GABRR2: variants seen among roughly 807,000 people sequenced by gnomAD.
GABRR2 encodes gamma-aminobutyric acid type A receptor subunit rho2, also known as gamma-aminobutyric acid receptor subunit rho-2.
A neutral mutation model predicts 47.0 loss-of-function variants in GABRR2; 36 were observed. The ratio of observed to expected loss-of-function variants is 0.77; its 90% CI spans 0.59 to 1.01. The LOEUF (loss-of-function observed/expected upper bound fraction) is 1.01. Ranked by LOEUF, GABRR2 falls within the 50% of genes least tolerant of loss-of-function variation. GABRR2 has a pLI of 0.00. For synonymous variants in GABRR2, 204 were observed against 227.5 expected, an observed-to-expected ratio of 0.90 and a Z score of 0.93; for missense variants, 587 against 594.6, an observed-to-expected ratio of 0.99 and a Z score of 0.13.
intron 3 of GABRR2, among the ~76,000 whole-genome samples, chr6:89,270,859 G>A (rs1774035315): frequency 6.6e-6 from 1 of 152,124 alleles, no homozygotes; most frequent in South Asian, 2.1e-4. Flanking sequence ...CATTCATGGA[G>A]CTTATAGTCA....
rs1358536435 is a variant in GABRR2, at chr6:89,255,335, G to C, written c.*2335C>G. On this transcript the variant is annotated 3_prime_UTR_variant, in exon 9 of 9. Coordinates refer to ENST00000402938, the MANE Select transcript of GABRR2 (RefSeq NM_002043.5). ...TGCCTGTAATCCCAGCTACTCCAGG[G>C]CTGAGGCAGGAGAATTGCTTGAACC... 6.6e-6 allele frequency among the ~76,000 whole-genome samples: 1 copy of C among 152,130 alleles called. No homozygotes were observed. The highest frequency in any genetic ancestry group is 1.5e-5 in the Non-Finnish European group (1 of 68,026).
intron 2 of GABRR2, among the ~76,000 whole-genome samples, chr6:89,287,094 C>T (rs556937893): frequency 1.0e-3 from 152 of 152,326 alleles, no homozygotes; most frequent in Non-Finnish European, 1.9e-3. Flanking sequence ...TGCTCTGAGT[C>T]GGCTCCGTGA....
Position 89,264,647 on chromosome 6 carries a change from C to A in GABRR2, c.890-39G>T, listed in dbSNP as rs368006339. The A allele has an allele frequency of 1.2e-5, 20 of 1,606,606 alleles. No homozygotes were observed. In the African/African-American group the frequency reaches 2.5e-4, roughly 20 times the overall value. ...CCTTAGTTGGGCTGCTGACAGCGGT[C>A]TAGAACTGCCCTCATATCTCACTAA... On this transcript the variant is annotated intron_variant, in intron 7 of 8. Transcript: ENST00000402938.
intron 8 of GABRR2, 119 bp downstream of exon 8, chr6:89,264,293 G>A: frequency 2.5e-6 from 3 of 1,209,976 alleles, no homozygotes; most frequent in South Asian, 1.6e-5. Flanking sequence ...GATCCTCCTC[G>A]TTTTGCACAA....
rs1211505044 is a variant in GABRR2 at position 89,292,861 on chromosome 6, T to TATATACG, written c.220+6897_220+6898insCGTATAT. On this transcript the variant is annotated intron_variant, in intron 2 of 8. Transcript: ENST00000402938. Reference sequence around the variant, plus strand: ...ACGATATATCGTATATATCATATATTATATATCTATATATCATATATAGAG... The same window carrying TATATACG: ...ACGATATATCGTATATATCATATATTATATACGATATATCTATATATCATATATAGAG... Among the ~76,000 whole-genome samples, 60 of 126,436 alleles carry TATATACG rather than the reference T, an allele frequency of 4.7e-4. 1 individual carries two copies. The highest frequency in any genetic ancestry group is 1.4e-3 in the African/African-American group (48 of 33,262). 82.9% of individuals were successfully genotyped at this position (126,436 alleles called of 152,430 possible).
chr6:89,268,302 A>T (rs545021894), intron 4 of GABRR2, among the ~76,000 whole-genome samples: 1 of 152,194 alleles, frequency 6.6e-6, no homozygotes, highest in African/African-American at 2.4e-5. Flanking sequence ...CCAGATCCCC[A>T]TTACTGGGCT....
Position 89,266,166 on chromosome 6 carries a change from G to A in GABRR2, c.737-401C>T, listed in dbSNP as rs186160029. On this transcript the variant is annotated intron_variant, in intron 6 of 8. Transcript: ENST00000402938. Reference sequence around the variant, plus strand: ...CAGCCTCAGCCTCCCAAGCTCAAGCGATCCTCCCACCTCAGCTTTCTGAGT... The same window carrying A: ...CAGCCTCAGCCTCCCAAGCTCAAGCAATCCTCCCACCTCAGCTTTCTGAGT... 2.0e-5 allele frequency among the ~76,000 whole-genome samples: 3 copies of A among 152,228 alleles called. No individual in the cohort carries two copies. In the East Asian group the frequency reaches 5.8e-4, roughly 29 times the overall value.
chr6:89,300,745 CAAAAAAAA>C (rs56360515), intron 1 of GABRR2, among the ~76,000 whole-genome samples: 6 of 76,388 alleles, frequency 7.9e-5, no homozygotes, highest in African/African-American at 1.6e-4. Flanking sequence ...GCGTACCAAC[CAAAAAAAA>C]AAAAAAAAAA....
chr6:89,283,882 G>A (rs114088424), intron 2 of GABRR2, among the ~76,000 whole-genome samples: 1,625 of 152,166 alleles, frequency 0.011, 29 homozygotes, highest in African/African-American at 0.035. Flanking sequence ...AAAAACTTTC[G>A]GAAAACAGTC....
At chr6:89,301,280 C>T (rs1316823814) in intron 1 of GABRR2, among the ~76,000 whole-genome samples, 4 of 152,244 alleles carry the variant, frequency 2.6e-5, no homozygotes, top group African/African-American at 9.6e-5. Context: ...ACTAAATGGG[C>T]AAATGCTGGA....
chr6:89,280,247 T>TATATATATATATATATATATATATATAC (rs1271132149), intron 2 of GABRR2, among the ~76,000 whole-genome samples: 1 of 101,320 alleles, frequency 9.9e-6, no homozygotes. Flanking sequence ...TATATATATA[T>TATATATATATATATATATATATATATAC]ATATATACAT....
chr6:89,258,859 T>A (rs1006990121), intron 8 of GABRR2, among the ~76,000 whole-genome samples: 2 of 148,156 alleles, frequency 1.3e-5, no homozygotes, highest in African/African-American at 4.9e-5. Flanking sequence ...AACAGATACA[T>A]GCTTATATGG....
chr6:89,278,081 C>T (rs1368562978), intron 2 of GABRR2, among the ~76,000 whole-genome samples: 6 of 152,152 alleles, frequency 3.9e-5, no homozygotes, highest in Non-Finnish European at 8.8e-5. Context: ...GTATAGGATA[C>T]ATTGTGGTGT....
chr6:89,302,819 CGT>C, intron 1 of GABRR2: 8 of 1,418,060 alleles, frequency 5.6e-6, no homozygotes, highest in Non-Finnish European at 7.8e-6. Flanking sequence ...TGAAGGTGGA[CGT>C]GTGTGACATC....
At chr6:89,293,508 G>A (rs954095687) in intron 2 of GABRR2, among the ~76,000 whole-genome samples, 2 of 152,156 alleles carry the variant, frequency 1.3e-5, no homozygotes, top group African/African-American at 4.8e-5. Flanking sequence ...GAAAATCAGG[G>A]CTGGGCACAG....
In GABRR2 at chr6:89,265,761, C is replaced by T. The variant is rs865945416; in HGVS notation, c.741G>A (p.Trp247Ter). ...TGAAGTTAATGTACAGACGGTTGTA[C>T]CAGCCTAGGGGATGCAGGAAGAAGC... The part of the protein sequence containing the change: ...SRLAFYSSTG[W>*]YNRLYINFTL... Residue 247 changes from tryptophan (W) to a stop codon, truncating the protein, a stop_gained, in exon 7 of 9, where the codon TGG (tryptophan) becomes TGA (stop). Coordinates refer to ENST00000402938, the MANE Select transcript of GABRR2 (RefSeq NM_002043.5). LOFTEE classifies it high-confidence loss of function. 1 of 1,613,876 alleles carries T rather than the reference C, an allele frequency of 6.2e-7. No homozygotes were observed. The highest frequency in any genetic ancestry group is 1.1e-5 in the South Asian group (1 of 91,036).
rs1221927048 is a variant in GABRR2 at position 89,265,736 on chromosome 6, T to A, written c.766A>T (p.Thr256Ser). ...GWYNRLYINF[T>S]LRRHIFFFLL... Reference sequence around the variant, plus strand: ...AAGAAGAAGATGTGGCGACGCAACGTGAAGTTAATGTACAGACGGTTGTAC... The same window carrying A: ...AAGAAGAAGATGTGGCGACGCAACGAGAAGTTAATGTACAGACGGTTGTAC... The change falls in exon 7 of 9, where the codon ACG becomes TCG. Residue 256 changes from threonine to serine, a missense_variant. Thr to Ser is a moderately conservative substitution (Grantham distance 58, BLOSUM62 1). Transcript: ENST00000402938. The A allele has an allele frequency of 1.9e-6, 3 of 1,614,000 alleles. No individual in the cohort carries two copies. Among genetic ancestry groups the A allele is most frequent in the Non-Finnish European group, 2.5e-6 (3 of 1,179,992 alleles).
chr6:89,299,078 AACTG>A (rs1774603343), intron 2 of GABRR2, among the ~76,000 whole-genome samples: 1 of 152,318 alleles, frequency 6.6e-6, no homozygotes, highest in Admixed American at 6.5e-5. Context: ...TGAAAGCCAG[AACTG>A]ACTAAGACAC....
chr6:89,304,677 CAT>C (rs1303606914), intron 1 of GABRR2, among the ~76,000 whole-genome samples: 1 of 151,194 alleles, frequency 6.6e-6, no homozygotes, highest in Non-Finnish European at 1.5e-5. Flanking sequence ...AGCCAAAAAA[CAT>C]ATGAAAAACA....
Sources: gnomAD v4.1 joint callset for allele counts (sites outside exome capture counted in the v4.1 genomes callset) on GRCh38, gnomAD v4.1.1 for gene constraint, MANE v1.5 for transcripts, NCBI Gene and HGNC (gene_info 2026-07-23, HGNC 2026-07-21) for gene names.